The following CAMTA1 variants were observed in gnomAD, a reference collection of about 807,000 sequenced individuals.
CAMTA1 encodes the protein calmodulin binding transcription activator 1, also known as calmodulin-binding transcription activator 1.
CAMTA1 carries 27 observed loss-of-function variants against 170.9 expected under a neutral mutation model. The observed-to-expected ratio is 0.16, with a 90% CI of 0.12 to 0.22. The LOEUF is 0.22. Among genes scored for constraint, CAMTA1 ranks in the 10% least tolerant of loss-of-function variants. CAMTA1 has a pLI of 1.00. For synonymous variants in CAMTA1, 833 were observed against 891.5 expected, an observed-to-expected ratio of 0.93 and a Z score of 1.17; for missense variants, 1,619 against 2,217.2, an observed-to-expected ratio of 0.73 and a Z score of 5.42.
At chr1:7,720,218 T>C (rs902762980) in intron 11 of CAMTA1, among the ~76,000 whole-genome samples, 1 of 152,220 alleles carries the variant, frequency 6.6e-6, no homozygotes, top group Non-Finnish European at 1.5e-5. Context: ...CTCATGTTTA[T>C]ACAACAGTTG....
At position 7,738,402 on chromosome 1, in the gene CAMTA1, G is replaced by C. The variant is rs761178407; in HGVS notation, c.4102G>C (p.Glu1368Gln). The C allele has an allele frequency of 6.2e-7, 1 of 1,614,216 alleles. No individual in the cohort carries two copies. The highest frequency in any genetic ancestry group is 1.1e-5 in the South Asian group (1 of 91,086). ...GAGTGTCCTGATGATGGCTAACAGA[G>C]AGGTGGTGAATACAGAGCTGGGGTC... ...PMSVLMMANR[E>Q]VVNTELGSYR... Residue 1368 changes from glutamate to glutamine, a missense_variant, in exon 16 of 23, where the codon GAG (glutamate) becomes CAG (glutamine). Physicochemically the swap from Glu to Gln is conservative, Grantham distance 29. Around this residue, in one of 8 missense-constraint regions of CAMTA1, gnomAD observed 370 missense variants for 429.4 expected, o/e 0.86. Transcript: ENST00000303635. The surrounding 1 kb of genome is among the most constrained non-coding windows in gnomAD (Gnocchi z 4.9).
At chr1:7,046,429 C>G (rs975431847) in intron 3 of CAMTA1, among the ~76,000 whole-genome samples, 4 of 152,172 alleles carry the variant, frequency 2.6e-5, no homozygotes, top group Non-Finnish European at 4.4e-5. Context: ...GGAGGGAGTG[C>G]CACATGGGAG....
At chr1:7,381,874 G>A (rs2087377982) in intron 5 of CAMTA1, among the ~76,000 whole-genome samples, 1 of 151,682 alleles carries the variant, frequency 6.6e-6, no homozygotes, top group South Asian at 2.1e-4. Context: ...GTATCTCATT[G>A]TGGTTTTGAT....
chr1:7,623,870 A>C (rs947570206), intron 6 of CAMTA1, among the ~76,000 whole-genome samples: 5 of 152,224 alleles, frequency 3.3e-5, no homozygotes, highest in Non-Finnish European at 7.3e-5. Context: ...ACCGCAATTA[A>C]TTGCTGTCCC....
intron 4 of CAMTA1, among the ~76,000 whole-genome samples, chr1:7,098,849 A>G (rs1200451304): frequency 1.3e-5 from 2 of 152,072 alleles, no homozygotes; most frequent in Non-Finnish European, 2.9e-5. Context: ...TTGAAATGGC[A>G]GCACCAGTCC....
At chr1:7,416,931 G>A (rs2091217233) in intron 5 of CAMTA1, among the ~76,000 whole-genome samples, 3 of 152,238 alleles carry the variant, frequency 2.0e-5, no homozygotes, top group East Asian at 1.9e-4. Context: ...GTACAGATGG[G>A]TTTTTGGTGT....
At chr1:7,538,509 G>A (rs2094573729) in intron 6 of CAMTA1, among the ~76,000 whole-genome samples, 1 of 152,214 alleles carries the variant, frequency 6.6e-6, no homozygotes, top group African/African-American at 2.4e-5. Context: ...AAATTAACCA[G>A]GTGTGATGGC....
chr1:7,754,429 T>A (rs1412341268), intron 21 of CAMTA1, among the ~76,000 whole-genome samples: 1 of 152,200 alleles, frequency 6.6e-6, no homozygotes, highest in East Asian at 1.9e-4. Flanking sequence ...CCTACACTCA[T>A]CTCCCTTTTG....
chr1:7,460,599 C>A (rs889643301), intron 5 of CAMTA1, among the ~76,000 whole-genome samples: 1 of 151,870 alleles, frequency 6.6e-6, no homozygotes, highest in Non-Finnish European at 1.5e-5. Context: ...GACTGCCCCC[C>A]CCAACCCCAG....
chr1:7,589,827 C>T (rs1447632413), intron 6 of CAMTA1, among the ~76,000 whole-genome samples: 2 of 152,178 alleles, frequency 1.3e-5, no homozygotes, highest in African/African-American at 2.4e-5. Context: ...AGTTACCTCC[C>T]GAGGCCCCTC....
chr1:7,517,851 T>C (rs556984184), intron 6 of CAMTA1, among the ~76,000 whole-genome samples: 41 of 151,974 alleles, frequency 2.7e-4, no homozygotes, highest in South Asian at 6.2e-4. Context: ...CAAGGTCCCT[T>C]AAAGAGAAGT....
At chr1:7,316,891 TG>T (rs768651716) in intron 5 of CAMTA1, among the ~76,000 whole-genome samples, 1 of 152,010 alleles carries the variant, frequency 6.6e-6, no homozygotes, top group Admixed American at 6.6e-5. Flanking sequence ...CCCATACAAA[TG>T]GGGTACAGCA....
chr1:7,067,427 C>T lies in CAMTA1; in HGVS notation c.235-23877C>T, dbSNP rs1263553412. ...GGTTCTTACTTGCTGAATTCTTCTT[C>T]TTCTTCTTCTGCTTCTCTGAGATCT... On this transcript the variant is annotated intron_variant, in intron 3 of 22. Coordinates refer to ENST00000303635, the MANE Select transcript of CAMTA1 (RefSeq NM_015215.4). This position sits in a 1 kb window ranked among gnomAD's most constrained non-coding sequence, Gnocchi z 4.3. Among the ~76,000 whole-genome samples, 1 of 152,002 alleles carries T rather than the reference C, an allele frequency of 6.6e-6. No homozygotes were observed. Among genetic ancestry groups the T allele is most frequent in the Non-Finnish European group, 1.5e-5 (1 of 67,990 alleles).
chr1:6,863,274 T>C (rs994092381), intron 3 of CAMTA1, among the ~76,000 whole-genome samples: 3 of 152,098 alleles, frequency 2.0e-5, no homozygotes, highest in Non-Finnish European at 2.9e-5. Flanking sequence ...CCCCAGAAAA[T>C]ATTCATCTTA....
chr1:7,223,327 C>T (rs1223682594), intron 4 of CAMTA1, among the ~76,000 whole-genome samples: 2 of 151,948 alleles, frequency 1.3e-5, no homozygotes, highest in African/African-American at 2.4e-5. Flanking sequence ...GGTGCATGTG[C>T]GTGTGAGTAT....
intron 6 of CAMTA1, among the ~76,000 whole-genome samples, chr1:7,526,529 G>T (rs537110544): frequency 6.6e-6 from 1 of 152,230 alleles, no homozygotes; most frequent in Non-Finnish European, 1.5e-5. Flanking sequence ...AGCTGGCCTC[G>T]TCGGGGTTCA....
At chr1:7,679,431 C>A (rs552120133) in intron 11 of CAMTA1, among the ~76,000 whole-genome samples, 4 of 152,316 alleles carry the variant, frequency 2.6e-5, no homozygotes, top group African/African-American at 9.6e-5. Flanking sequence ...ACCCCAGAAG[C>A]TACGGCACGG....
At chr1:6,888,605 A>G (rs768519854) in intron 3 of CAMTA1, among the ~76,000 whole-genome samples, 3 of 152,238 alleles carry the variant, frequency 2.0e-5, no homozygotes, top group Non-Finnish European at 4.4e-5. Flanking sequence ...CATCGAGTAA[A>G]CAAGATAAAT....
At chr1:7,379,091 A>G (rs2149050139) in intron 5 of CAMTA1, among the ~76,000 whole-genome samples, 1 of 152,292 alleles carries the variant, frequency 6.6e-6, no homozygotes. Flanking sequence ...CAGAGTCTAT[A>G]AATTTGCCTG....
Sources: allele counts gnomAD v4.1 joint callset (sites outside exome capture counted in the v4.1 genomes callset), GRCh38; gene constraint gnomAD v4.1.1; regional missense constraint gnomAD v4.1.1; non-coding constraint Gnocchi (gnomAD v3.1); transcripts MANE v1.5; gene names NCBI Gene and HGNC (gene_info 2026-07-23, HGNC 2026-07-21).